The following PNPLA2 variants were observed in gnomAD, a reference collection of about 807,000 sequenced individuals.
PNPLA2 encodes patatin-like phospholipase domain-containing protein 2.
A neutral mutation model predicts 39.7 loss-of-function variants in PNPLA2; 28 were observed. The observed-to-expected ratio is 0.70, with a 90% CI of 0.52 to 0.97. The LOEUF (loss-of-function observed/expected upper bound fraction) is 0.97, where lower values mean the gene tolerates loss of function less well. Ranked by LOEUF, PNPLA2 falls within the 50% of genes least tolerant of loss-of-function variation. The pLI, the probability that PNPLA2 is intolerant of heterozygous loss-of-function variation, is 0.00. For synonymous variants in PNPLA2, 392 were observed against 321.1 expected (o/e 1.22, Z -2.36); for missense variants, 768 against 698.2 (o/e 1.10, Z -1.13).
At position 821,602 on chromosome 11, in the gene PNPLA2, CCCCTAA is replaced by C; in HGVS notation, c.188-23_188-18del. 4 of 1,538,816 alleles carry C rather than the reference CCCCTAA, an allele frequency of 2.6e-6. No individual in the cohort carries two copies. Among genetic ancestry groups the C allele is most frequent in the Non-Finnish European group, 1.8e-6 (2 of 1,112,160 alleles). Reference sequence around the variant, plus strand: ...GTGTTGCTAAGCCCAGGAGCATGGGCCCCTAACCTTGGCCCTGTGCCCCAGGTGAGG... The same window carrying C: ...GTGTTGCTAAGCCCAGGAGCATGGGCCCTTGGCCCTGTGCCCCAGGTGAGG... On this transcript the variant is annotated intron_variant, in intron 2 of 9. Transcript: ENST00000336615.
chr11:823,650 G>GGCC (rs757448460), intron 6 of PNPLA2, 44 bp from the exon 7 acceptor site: 2 of 1,600,758 alleles, frequency 1.2e-6, no homozygotes, highest in East Asian at 4.5e-5. Context: ...TGCGGGCCGC[G>GGCC]GCCGCGCTGA....
rs528124756 is a variant in PNPLA2 at position 822,820 on chromosome 11, C to CT, written c.696+232dup. ...CAGGCTCCCTGTCCAGTCTCTCTCT[C>CT]TTTTTTTTTTTTTTTTTTGTTTGAG... On this transcript the variant is annotated intron_variant, in intron 5 of 9. Coordinates refer to ENST00000336615, the MANE Select transcript of PNPLA2 (RefSeq NM_020376.4). Among the ~76,000 whole-genome samples the CT allele has an allele frequency of 1.0e-2, 1,314 of 131,408 alleles. 12 individuals are homozygous for CT. The highest frequency in any genetic ancestry group is 0.032 in the South Asian group (137 of 4,276). The allele number at this position is 131,408 out of a possible 152,430, so 86.2% of individuals were successfully genotyped here. A position where few individuals can be genotyped will look rare whatever the true frequency, so the allele number is the denominator to read the frequency against.
chr11:822,324 GGGGTGGCTGGGGT>G (rs1344142541), intron 4 of PNPLA2, 60 bp from the exon 5 acceptor site: 3 of 1,339,720 alleles, frequency 2.2e-6, no homozygotes, highest in Non-Finnish European at 3.2e-6. Context: ...GTGGCCGGGT[GGGGTGGCTGGGGT>G]GGGTGGCCAG....
Position 822,512 on chromosome 11 carries a change from A to G in PNPLA2, c.602A>G (p.Asn201Ser), listed in dbSNP as rs1845701475. The G allele has an allele frequency of 3.1e-6, 5 of 1,614,078 alleles. No homozygotes were observed. The highest frequency in any genetic ancestry group is 4.2e-6 in the Non-Finnish European group (5 of 1,179,996). The change falls in exon 5 of 10, where the codon AAC (asparagine) becomes AGC (serine). Residue 201 changes from asparagine (N) to serine (S), a missense_variant. By Grantham distance (46) the Asn-to-Ser change is conservative. Transcript: ENST00000336615. ...ATCTGTCCGCAGGACAGCTCCACCA[A>G]CATCCACGAGCTGCGGGTCACCAAC... The part of the protein sequence containing the change: ...SDICPQDSST[N>S]IHELRVTNTS...
Position 819,875 on chromosome 11 carries a change from GC to G in PNPLA2, c.159del (p.Thr54ArgfsTer38). 1 of 1,454,574 alleles carries G rather than the reference GC, an allele frequency of 6.9e-7. No individual in the cohort carries two copies. Among genetic ancestry groups the G allele is most frequent in the South Asian group, 1.3e-5 (1 of 76,108 alleles). The allele number at this position is 1,454,574 out of a possible 1,614,324, so 90.1% of individuals were successfully genotyped here. On this transcript the variant is annotated frameshift_variant, in exon 2 of 10. Transcript: ENST00000336615. LOFTEE classifies it high-confidence loss of function. ...CGGCGCCTCGGCCGGGGCGCTCACGGCCACGGCGCTGGTCACCGGGGTCTGC... is the reference window on the plus strand; with the variant it reads ...CGGCGCCTCGGCCGGGGCGCTCACGGCACGGCGCTGGTCACCGGGGTCTGC... ...IYGASAGALT[A>X]TALVTGVCLG...
At chr11:821,897 G>T (rs778219517) in intron 3 of PNPLA2, 37 bp downstream of exon 3, 2 of 1,609,940 alleles carry the variant, frequency 1.2e-6, no homozygotes, top group Non-Finnish European at 1.7e-6. Flanking sequence ...TGGCGGTGGG[G>T]GGGGCAGTGG....
At chr11:824,460 C>G (rs935828618) in intron 9 of PNPLA2, 24 bp downstream of exon 9, 2 of 1,549,052 alleles carry the variant, frequency 1.3e-6, no homozygotes, top group African/African-American at 1.4e-5. Flanking sequence ...CGCGCGTCCA[C>G]CCGGGGCCCG....
chr11:822,191 C>T (rs1421855224), intron 4 of PNPLA2, 168 bp downstream of exon 4: 3 of 768,830 alleles, frequency 3.9e-6, no homozygotes, highest in Non-Finnish European at 6.6e-6. Flanking sequence ...CTTCCTGGCC[C>T]CCCATCCCTT....
Position 821,717 on chromosome 11 carries a change from A to C in PNPLA2, c.277A>C (p.Ile93Leu). The C allele has an allele frequency of 6.2e-7, 1 of 1,613,950 alleles. No individual in the cohort carries two copies. The highest frequency in any genetic ancestry group is 8.5e-7 in the Non-Finnish European group (1 of 1,180,016). ...GCACCCCTCCTTCAACCTGGTAAAG[A>C]TCATCCGCAGTTTCCTGCTGAAGGT... ...PLHPSFNLVKIIRSFLLKVLP... is the reference protein window; with the variant it reads ...PLHPSFNLVKLIRSFLLKVLP... Residue 93 changes from isoleucine to leucine, a missense_variant, in exon 3 of 10, where the codon ATC becomes CTC. By Grantham distance (5) the Ile-to-Leu change is conservative. Transcript: ENST00000336615.
rs753270845 is a variant in PNPLA2, at chr11:823,587, G to GGTGCGCGGACCC, written c.757+2_757+13dup. 6.2e-7 allele frequency: 1 copy of GGTGCGCGGACCC among 1,610,374 alleles called. No individual in the cohort carries two copies. On this transcript the variant is annotated inframe_insertion and splice_region_variant. Transcript: ENST00000336615. ...TGGCCTGCGCTTTCTGCAGCGGAAC[G>GGTGCGCGGACCC]GTGCGCGGACCCGGGCGGGAGAGGG...
At position 824,147 on chromosome 11, in the gene PNPLA2, G is replaced by A. The variant is rs748976617; in HGVS notation, c.1052+17G>A. ...CACCATCCGGTGTGAGGGCTGGGGG[G>A]TCGGGAGAGGGGCCCAGGGGACGGA... is the stretch of plus-strand genomic sequence containing the variant. On this transcript the variant is annotated intron_variant, in intron 8 of 9. Coordinates refer to ENST00000336615, the MANE Select transcript of PNPLA2 (RefSeq NM_020376.4). 1.9e-6 allele frequency: 3 copies of A among 1,585,296 alleles called. No homozygotes were observed. The highest frequency in any genetic ancestry group is 2.3e-5 in the East Asian group (1 of 43,966).
At position 823,835 on chromosome 11, in the gene PNPLA2, T is replaced by C; in HGVS notation, c.899T>C (p.Leu300Pro). Residue 300 changes from leucine (L) to proline (P), a missense_variant, in exon 7 of 10, where the codon CTG becomes CCG. Transcript: ENST00000336615. The stretch of plus-strand genomic sequence containing the variant: ...GGAGAAGATCACATCCTGGAGCACC[T>C]GCCCGCCCGGCTCAATGAGGGTGCG... ...LPGEDHILEH[L>P]PARLNEALLE... 6.3e-7 allele frequency: 1 copy of C among 1,590,064 alleles called. No individual in the cohort carries two copies. The highest frequency in any genetic ancestry group is 8.6e-7 in the Non-Finnish European group (1 of 1,169,222).
Position 824,575 on chromosome 11 carries a change from C to G in PNPLA2, c.1228C>G (p.Leu410Val). The G allele has an allele frequency of 3.2e-6, 5 of 1,576,738 alleles. No homozygotes were observed. The highest frequency in any genetic ancestry group is 3.4e-6 in the Non-Finnish European group (4 of 1,166,100). ...CGTCCAGTCGCTGCCGTCCGTGCCGCTGTCCTGCGCCGCCTACAGAGAGGC... is the reference window on the plus strand; with the variant it reads ...CGTCCAGTCGCTGCCGTCCGTGCCGGTGTCCTGCGCCGCCTACAGAGAGGC... ...RRVQSLPSVP[L>V]SCAAYREALP... is the part of the protein sequence containing the mutation. The change falls in exon 10 of 10, where the codon CTG becomes GTG. Residue 410 changes from leucine (L) to valine (V), a missense_variant. Coordinates refer to ENST00000336615, the MANE Select transcript of PNPLA2 (RefSeq NM_020376.4).
In PNPLA2 at chr11:821,541, A is replaced by G. The variant is rs1005166652; in HGVS notation, c.188-87A>G. 6 of 965,774 alleles carry G rather than the reference A, an allele frequency of 6.2e-6. No homozygotes were observed. The African/African-American group carries it at 6.4e-5, about 10-fold the overall frequency. The allele number at this position is 965,774 out of a possible 1,614,324, so 59.8% of individuals were successfully genotyped here. On this transcript the variant is annotated intron_variant, in intron 2 of 9. Coordinates refer to ENST00000336615, the MANE Select transcript of PNPLA2 (RefSeq NM_020376.4). Reference sequence around the variant, plus strand: ...GGGCCTCCTCCAGGGTCTGTATGCCATGGAACCCTGGACATGGGGCTATGA... The same window carrying G: ...GGGCCTCCTCCAGGGTCTGTATGCCGTGGAACCCTGGACATGGGGCTATGA...
At position 823,840 on chromosome 11, in the gene PNPLA2, G is replaced by T; in HGVS notation, c.904G>T (p.Ala302Ser). The change falls in exon 7 of 10, where the codon GCC (alanine) becomes TCC (serine). Residue 302 changes from alanine (A) to serine (S), a missense_variant. By Grantham distance (99) the Ala-to-Ser change is moderately conservative. Coordinates refer to ENST00000336615, the MANE Select transcript of PNPLA2 (RefSeq NM_020376.4). ...AGATCACATCCTGGAGCACCTGCCC[G>T]CCCGGCTCAATGAGGGTGCGCACCT... Reference protein sequence around the residue: ...GEDHILEHLPARLNEALLEAC... With the variant: ...GEDHILEHLPSRLNEALLEAC... 6.3e-7 allele frequency: 1 copy of T among 1,588,402 alleles called. No homozygotes were observed. Among genetic ancestry groups the T allele is most frequent in the Non-Finnish European group, 8.6e-7 (1 of 1,168,412 alleles).
In PNPLA2 at chr11:822,407, A is replaced by G. The variant is rs121908832; in HGVS notation, c.497A>G (p.Asp166Gly). Reference sequence around the variant, plus strand: ...TGTGTCCCGTGGAAGCGCTACGTGGATGGTGGCATTTCAGACAACCTGCCA... The same window carrying G: ...TGTGTCCCGTGGAAGCGCTACGTGGGTGGTGGCATTTCAGACAACCTGCCA... ...PPSLQGVRYVDGGISDNLPLY... is the reference protein window; with the variant it reads ...PPSLQGVRYVGGGISDNLPLY... The change falls in exon 5 of 10, where the codon GAT becomes GGT. Residue 166 changes from aspartate (D) to glycine (G), a missense_variant. Transcript: ENST00000336615. 6 of 1,613,898 alleles carry G rather than the reference A, an allele frequency of 3.7e-6. No homozygotes were observed. The South Asian group carries it at 5.5e-5, about 15-fold the overall frequency.
chr11:822,597 G>C lies in PNPLA2; in HGVS notation c.687G>C (p.Pro229=). 1.2e-6 allele frequency: 2 copies of C among 1,613,234 alleles called. No homozygotes were observed. The highest frequency in any genetic ancestry group is 1.7e-6 in the Non-Finnish European group (2 of 1,179,740). ...LYRLSKALFP[P]EPLVLREMCK... ...GCCTCTCCAAGGCCCTCTTCCCGCC[G>C]GAGCCCCTGGTGAGCTCTGCTCCGA... Residue 229 remains proline (P), a synonymous_variant, in exon 5 of 10, where the codon CCG becomes CCC. Coordinates refer to ENST00000336615, the MANE Select transcript of PNPLA2 (RefSeq NM_020376.4).
At chr11:824,224 G>C in intron 8 of PNPLA2, 90 bp from the exon 9 acceptor site, 1 of 1,545,986 alleles carries the variant, frequency 6.5e-7, no homozygotes, top group Non-Finnish European at 8.7e-7. Context: ...GGTGGGGTGA[G>C]CAGTGCCAAG....
chr11:823,299 C>T (rs1366351056), intron 5 of PNPLA2, among the ~76,000 whole-genome samples: 4 of 152,164 alleles, frequency 2.6e-5, no homozygotes, highest in Admixed American at 6.6e-5. Flanking sequence ...CCTCGTCATC[C>T]GCCTGCCTCA....
Sources: allele counts gnomAD v4.1 joint callset (sites outside exome capture counted in the v4.1 genomes callset), GRCh38; gene constraint gnomAD v4.1.1; transcripts MANE v1.5; gene names NCBI Gene and HGNC (gene_info 2026-07-23, HGNC 2026-07-21).